The following TEX48 variants were observed in gnomAD, a reference collection of about 807,000 sequenced individuals.
TEX48 encodes the protein testis expressed 48, also known as testis-expressed protein 48.
TEX48 carries 10 observed loss-of-function variants against 13.2 expected under a neutral mutation model. The observed-to-expected ratio is 0.75, with a 90% CI of 0.47 to 1.28. The LOEUF is 1.28. Ranked by LOEUF, TEX48 falls within the 50% of genes most tolerant of loss-of-function variation. TEX48 has a pLI of 0.00. For synonymous variants in TEX48, 45 were observed against 52.3 expected, an observed-to-expected ratio of 0.86 and a Z score of 0.60; for missense variants, 116 against 139.4, an observed-to-expected ratio of 0.83 and a Z score of 0.84.
chr9:114,673,763 G>A (rs1359451470), intron 1 of TEX48, among the ~76,000 whole-genome samples: 1 of 151,790 alleles, frequency 6.6e-6, no homozygotes. Context: ...TTACAGAAAG[G>A]GATGAATAGG....
intron 3 of TEX48, 66 bp from the exon 4 acceptor site, chr9:114,668,403 T>C (rs1408265044): frequency 6.9e-7 from 1 of 1,456,238 alleles, no homozygotes; most frequent in Non-Finnish European, 9.3e-7. Flanking sequence ...AGTGAAGATG[T>C]TTTGCAAGCT....
chr9:114,670,160 T>A (rs1827918543), intron 3 of TEX48, among the ~76,000 whole-genome samples: 2 of 152,214 alleles, frequency 1.3e-5, no homozygotes, highest in African/African-American at 4.8e-5. Context: ...TACTGTTAAA[T>A]ATGAAATATA....
Position 114,666,442 on chromosome 9 carries a change from A to T in TEX48, c.*201T>A. The T allele has an allele frequency of 2.0e-6, 1 of 489,486 alleles. No homozygotes were observed. Among genetic ancestry groups the T allele is most frequent in the South Asian group, 3.5e-5 (1 of 28,332 alleles). The allele number at this position is 489,486 out of a possible 1,614,324, so 30.3% of individuals were successfully genotyped here. ...AAGAGAAGGACACATCCTCTGGTGC[A>T]ATCAAGAACTTTAATTGGAGGCAGC... On this transcript the variant is annotated 3_prime_UTR_variant, in exon 5 of 5. Coordinates refer to ENST00000436752, the MANE Select transcript of TEX48 (RefSeq NM_001199233.2).
At chr9:114,674,624 TC>T (rs1828022448) in intron 1 of TEX48, among the ~76,000 whole-genome samples, 2 of 124,352 alleles carry the variant, frequency 1.6e-5, no homozygotes, top group Non-Finnish European at 1.7e-5. Flanking sequence ...CTTCCTTCCT[TC>T]CTTCCTTCCT....
chr9:114,668,796 T>A (rs956207654), intron 3 of TEX48, among the ~76,000 whole-genome samples: 63 of 152,334 alleles, frequency 4.1e-4, no homozygotes, highest in African/African-American at 1.5e-3. Context: ...ATATTTTACA[T>A]AGTCCATCAT....
chr9:114,674,300 T>C (rs1277523753), intron 1 of TEX48, among the ~76,000 whole-genome samples: 1 of 152,130 alleles, frequency 6.6e-6, no homozygotes, highest in Non-Finnish European at 1.5e-5. Context: ...TTGCCCCCCC[T>C]GCTGAGTTTT....
chr9:114,678,557 G>T (rs983344881), intron 1 of TEX48, among the ~76,000 whole-genome samples: 1 of 152,054 alleles, frequency 6.6e-6, no homozygotes, highest in Non-Finnish European at 1.5e-5. Context: ...TCATTTCGTT[G>T]TTGACCTTTA....
chr9:114,673,708 A>T (rs1827994748), intron 1 of TEX48, among the ~76,000 whole-genome samples: 1 of 152,168 alleles, frequency 6.6e-6, no homozygotes, highest in Non-Finnish European at 1.5e-5. Context: ...AGGCTGTAAA[A>T]AATGCTAAGA....
intron 1 of TEX48, among the ~76,000 whole-genome samples, chr9:114,675,879 C>A (rs1828052625): frequency 6.6e-6 from 1 of 152,206 alleles, no homozygotes; most frequent in Non-Finnish European, 1.5e-5. Flanking sequence ...ACATCCTGTT[C>A]CCTCTACCTG....
intron 3 of TEX48, among the ~76,000 whole-genome samples, chr9:114,669,623 T>C (rs1344105245): frequency 1.3e-5 from 2 of 152,182 alleles, no homozygotes; most frequent in Non-Finnish European, 2.9e-5. Context: ...GTATTTTTAA[T>C]AGAGACGGGG....
At position 114,666,522 on chromosome 9, in the gene TEX48, G is replaced by T; in HGVS notation, c.*121C>A. On this transcript the variant is annotated 3_prime_UTR_variant, in exon 5 of 5. Transcript: ENST00000436752. ...AGTGACTCTTGCTTGGTGGCACAAG[G>T]ATGGCTCAGATGTCTTCTCCTCCTT... 1.7e-6 allele frequency: 1 copy of T among 594,008 alleles called. No individual in the cohort carries two copies. The highest frequency in any genetic ancestry group is 2.9e-6 in the Non-Finnish European group (1 of 346,262). The allele number at this position is 594,008 out of a possible 1,614,324, so 36.8% of individuals were successfully genotyped here.
chr9:114,669,511 G>A (rs1404100899), intron 3 of TEX48, among the ~76,000 whole-genome samples: 3 of 151,448 alleles, frequency 2.0e-5, no homozygotes, highest in Non-Finnish European at 4.4e-5. Context: ...GCACGATCTC[G>A]GCTCACCGCA....
chr9:114,681,225 C>G (rs1424161095), intron 1 of TEX48, among the ~76,000 whole-genome samples: 1 of 152,120 alleles, frequency 6.6e-6, no homozygotes, highest in Non-Finnish European at 1.5e-5. Flanking sequence ...ATCTGAAGCG[C>G]AGGTTTGTTG....
chr9:114,677,918 C>T (rs535196585), intron 1 of TEX48, among the ~76,000 whole-genome samples: 2 of 152,132 alleles, frequency 1.3e-5, no homozygotes, highest in South Asian at 2.1e-4. Flanking sequence ...GTCGTGGTCT[C>T]ATCTGCATTA....
chr9:114,674,558 CTTCTTTTTT>C (rs1374506477), intron 1 of TEX48, among the ~76,000 whole-genome samples: 1 of 150,276 alleles, frequency 6.7e-6, no homozygotes, highest in African/African-American at 2.5e-5. Context: ...CTCTCTTTTT[CTTCTTTTTT>C]TCTTTTCTTT....
chr9:114,671,965 G>T, intron 1 of TEX48, 138 bp from the exon 2 acceptor site: 1 of 568,324 alleles, frequency 1.8e-6, no homozygotes, highest in Middle Eastern at 4.5e-4. Flanking sequence ...ATAGCTCTGT[G>T]TCCTACCCCA....
chr9:114,673,442 G>C (rs1270594079), intron 1 of TEX48, among the ~76,000 whole-genome samples: 1 of 139,802 alleles, frequency 7.2e-6, no homozygotes, highest in Non-Finnish European at 1.5e-5. Flanking sequence ...TTGCACTCCA[G>C]CCTGGGCAAG....
intron 1 of TEX48, among the ~76,000 whole-genome samples, chr9:114,676,312 C>T (rs1828062606): frequency 6.6e-6 from 1 of 151,476 alleles, no homozygotes; most frequent in Non-Finnish European, 1.5e-5. Flanking sequence ...TACAGGCTCG[C>T]ACTACCATGC....
At chr9:114,676,277 C>T (rs891906437) in intron 1 of TEX48, among the ~76,000 whole-genome samples, 24 of 152,214 alleles carry the variant, frequency 1.6e-4, no homozygotes, top group Admixed American at 1.3e-3. Context: ...GATTTCCCTG[C>T]CTCAGCCTCC....
Sources: gnomAD v4.1 joint callset for allele counts (sites outside exome capture counted in the v4.1 genomes callset) on GRCh38, gnomAD v4.1.1 for gene constraint, MANE v1.5 for transcripts, NCBI Gene and HGNC (gene_info 2026-07-23, HGNC 2026-07-21) for gene names.